MID1: variants seen among roughly 807,000 people sequenced by gnomAD.
MID1 encodes E3 ubiquitin-protein ligase Midline-1.
Under a neutral mutation model 40.4 loss-of-function variants are expected in MID1, and 7 were observed. The observed-to-expected ratio is 0.17, with a 90% CI of 0.10 to 0.33. The LOEUF (loss-of-function observed/expected upper bound fraction) is 0.33, where lower values mean the gene tolerates loss of function less well. Ranked by LOEUF, MID1 falls within the 10% of genes least tolerant of loss-of-function variation. The pLI, the probability that MID1 is intolerant of heterozygous loss-of-function variation, is 1.00. For synonymous variants in MID1, 229 were observed against 221.2 expected (o/e 1.04, Z -0.31); for missense variants, 367 against 558.5 (o/e 0.66, Z 3.46).
At chrX:10,800,429 C>A (rs965656913) in intron 1 of MID1, among the ~76,000 whole-genome samples, 4 of 111,901 alleles carry the variant, frequency 3.6e-5, no homozygotes, top group African/African-American at 1.3e-4. Flanking sequence ...CTAGTGAGAC[C>A]CTGATCAGAA....
chrX:10,520,875 T>C (rs150811046), intron 3 of MID1, among the ~76,000 whole-genome samples: 59 of 111,108 alleles, frequency 5.3e-4, no homozygotes, highest in Non-Finnish European at 8.9e-4. Flanking sequence ...GAAAGAATGA[T>C]AAAGCCATGA....
chrX:10,516,847 C>T (rs1442740667), intron 3 of MID1, among the ~76,000 whole-genome samples: 1 of 109,810 alleles, frequency 9.1e-6, no homozygotes, highest in Non-Finnish European at 1.9e-5. Flanking sequence ...AATCCTTGGG[C>T]TCAAGTAATC....
intron 1 of MID1, among the ~76,000 whole-genome samples, chrX:10,613,726 T>G (rs867513841): frequency 0.017 from 795 of 48,139 alleles, 5 homozygotes; most frequent in Middle Eastern, 0.025. Flanking sequence ...TATATATATA[T>G]ATATATAGAG....
At chrX:10,776,356 C>T (rs2043802726) in intron 1 of MID1, among the ~76,000 whole-genome samples, 1 of 111,887 alleles carries the variant, frequency 8.9e-6, no homozygotes, top group Non-Finnish European at 1.9e-5. Context: ...TCAGGACAGT[C>T]AGAATATCCA....
intron 1 of MID1, among the ~76,000 whole-genome samples, chrX:10,800,263 T>G (rs1013132677): frequency 8.9e-6 from 1 of 112,087 alleles, no homozygotes; most frequent in Non-Finnish European, 1.9e-5. Context: ...GAGGGTGGTC[T>G]CTGGGCAACA....
intron 1 of MID1, among the ~76,000 whole-genome samples, chrX:10,829,572 A>G (rs756258979): frequency 8.9e-6 from 1 of 112,216 alleles, no homozygotes; most frequent in Non-Finnish European, 1.9e-5. Context: ...TAGTAACTCA[A>G]TGTCTTTGAA....
At chrX:10,776,178 T>C (rs964886214) in intron 1 of MID1, among the ~76,000 whole-genome samples, 3 of 112,036 alleles carry the variant, frequency 2.7e-5, no homozygotes, top group Admixed American at 9.5e-5. Context: ...ATCTTGATAA[T>C]ACCACTATTC....
chrX:10,584,442 GC>G (rs752452113), intron 1 of MID1, among the ~76,000 whole-genome samples: 5 of 112,063 alleles, frequency 4.5e-5, no homozygotes, highest in Admixed American at 3.8e-4. Context: ...ATTGGAAGAG[GC>G]ATTGGTTTTG....
At chrX:10,613,800 CTA>C (rs1349969504) in intron 1 of MID1, among the ~76,000 whole-genome samples, 3 of 80,920 alleles carry the variant, frequency 3.7e-5, no homozygotes, top group East Asian at 4.0e-4. Context: ...CAGAGAGAGA[CTA>C]TGTGTATATA....
At chrX:10,551,951 T>A (rs900507733) in intron 2 of MID1, among the ~76,000 whole-genome samples, 16 of 110,931 alleles carry the variant, frequency 1.4e-4, no homozygotes, top group African/African-American at 5.2e-4. Context: ...CCTGGAATTT[T>A]TTTTTATTTT....
At chrX:10,628,154 A>G (rs988502413) in intron 1 of MID1, among the ~76,000 whole-genome samples, 3 of 110,737 alleles carry the variant, frequency 2.7e-5, no homozygotes, top group Non-Finnish European at 5.7e-5. Flanking sequence ...GTAACTTGTC[A>G]TAAGTTTTTT....
At chrX:10,788,218 T>C (rs951173931) in intron 1 of MID1, among the ~76,000 whole-genome samples, 1 of 111,992 alleles carries the variant, frequency 8.9e-6, no homozygotes, top group Non-Finnish European at 1.9e-5. Flanking sequence ...ATTTAAATTA[T>C]GTATAAAATA....
chrX:10,735,589 A>G lies in MID1; in HGVS notation c.-187+97965T>C, dbSNP rs1308055533. ...TGTTGAATTTTATGTATAAGTGAGT[A>G]TCAAGTTGAAGTTTTGTTTAAATTT... On this transcript the variant is annotated intron_variant, in intron 1 of 10. Transcript: ENST00000380785. Among the ~76,000 whole-genome samples, 4 of 112,834 alleles carry G rather than the reference A, an allele frequency of 3.5e-5. No individual in the cohort carries two copies. The East Asian group carries it at 8.2e-4, about 23-fold the overall frequency.
At chrX:10,501,700 A>G (rs1288829376) in intron 3 of MID1, 1 of 489,517 alleles carries the variant, frequency 2.0e-6, no homozygotes, top group Non-Finnish European at 3.3e-6. Flanking sequence ...GCCACCAATA[A>G]TCAGTTGCAG....
At chrX:10,543,360 G>A (rs1433488788) in intron 2 of MID1, among the ~76,000 whole-genome samples, 2 of 111,980 alleles carry the variant, frequency 1.8e-5, no homozygotes, top group Non-Finnish European at 3.8e-5. Flanking sequence ...AATAATAGTA[G>A]GAGTCATAAT....
chrX:10,824,102 G>T (rs2044198375), intron 1 of MID1, among the ~76,000 whole-genome samples: 1 of 111,641 alleles, frequency 9.0e-6, no homozygotes, highest in Non-Finnish European at 1.9e-5. Context: ...TATAAAATAG[G>T]CTGTTTTAGA....
chrX:10,684,640 A>C (rs1221567752), intron 1 of MID1, among the ~76,000 whole-genome samples: 1 of 107,345 alleles, frequency 9.3e-6, no homozygotes. Context: ...CGATCTCTTG[A>C]CCTCGTGATC....
intron 1 of MID1, among the ~76,000 whole-genome samples, chrX:10,717,764 C>T (rs2043316700): frequency 9.0e-6 from 1 of 111,306 alleles, no homozygotes; most frequent in Admixed American, 9.6e-5. Flanking sequence ...CACCACACCA[C>T]ACCTATTCCA....
intron 1 of MID1, among the ~76,000 whole-genome samples, chrX:10,800,519 T>C (rs1304199667): frequency 1.8e-5 from 2 of 111,597 alleles, no homozygotes; most frequent in South Asian, 3.8e-4. Flanking sequence ...AGCCTCTAAG[T>C]TCTGGGACAA....
Sources: gnomAD v4.1 joint callset for allele counts (sites outside exome capture counted in the v4.1 genomes callset) on GRCh38, gnomAD v4.1.1 for gene constraint, MANE v1.5 for transcripts, NCBI Gene and HGNC (gene_info 2026-07-23, HGNC 2026-07-21) for gene names.